AARS1: variants seen among roughly 807,000 people sequenced by gnomAD.
AARS1 encodes the protein alanine--tRNA ligase, cytoplasmic.
In AARS1, 72 loss-of-function variants were observed where a neutral mutation model predicts 108.9. The observed-to-expected ratio is 0.66, with a 90% CI of 0.55 to 0.80. The LOEUF (loss-of-function observed/expected upper bound fraction) is 0.80, where lower values mean the gene tolerates loss of function less well. Ranked by LOEUF, AARS1 falls within the 30% of genes least tolerant of loss-of-function variation. The pLI, the probability that AARS1 is intolerant of heterozygous loss-of-function variation, is 0.00. For synonymous variants in AARS1, 489 were observed against 465.7 expected, an observed-to-expected ratio of 1.05 and a Z score of -0.64; for missense variants, 1,193 against 1,233.2, an observed-to-expected ratio of 0.97 and a Z score of 0.49.
intron 15 of AARS1, among the ~76,000 whole-genome samples, chr16:70,257,614 A>G (rs917732858): frequency 6.6e-6 from 1 of 152,130 alleles, no homozygotes; most frequent in Non-Finnish European, 1.5e-5. Flanking sequence ...ATGGAGCTAC[A>G]TTCCCCAGAT....
chr16:70,288,171 C>A (rs1416159153), intron 1 of AARS1, among the ~76,000 whole-genome samples: 1 of 142,368 alleles, frequency 7.0e-6, no homozygotes, highest in Non-Finnish European at 1.5e-5. Context: ...GGCGCGATCT[C>A]AGCTCACTGC....
chr16:70,274,552 C>T (rs1960491437), intron 4 of AARS1, among the ~76,000 whole-genome samples: 1 of 151,656 alleles, frequency 6.6e-6, no homozygotes, highest in Admixed American at 6.6e-5. Context: ...GATGAAACCC[C>T]ATCTCTACTA....
intron 11 of AARS1, among the ~76,000 whole-genome samples, chr16:70,262,995 A>AAAAAAAC (rs1174659809): frequency 1.8e-4 from 23 of 128,780 alleles, no homozygotes; most frequent in South Asian, 2.2e-4. Flanking sequence ...AAAAAAAAAA[A>AAAAAAAC]AAACAACAAC....
chr16:70,272,932 GTGCT>G (rs1462514081), intron 4 of AARS1, among the ~76,000 whole-genome samples: 64 of 95,630 alleles, frequency 6.7e-4, no homozygotes, highest in South Asian at 1.9e-3. Flanking sequence ...ACAAAAGATT[GTGCT>G]TGCTTATCTT....
rs1452856880 is a variant in AARS1 at position 70,253,344 on chromosome 16, G to T, written c.2645C>A (p.Ser882Tyr). ...GAAGAGCATGGCAGAAGTCTGAGGG[G>T]AGTGCATCTTGAAGAGCTTCAAGGC... ...NEALKLFKMH[S>Y]PQTSAMLFTV... The change falls in exon 20 of 21, where the codon TCC (serine) becomes TAC (tyrosine). Residue 882 changes from serine to tyrosine, a missense_variant. Transcript: ENST00000261772. 1 of 1,614,070 alleles carries T rather than the reference G, an allele frequency of 6.2e-7. No individual in the cohort carries two copies. The highest frequency in any genetic ancestry group is 8.5e-7 in the Non-Finnish European group (1 of 1,180,032).
chr16:70,279,369 AAAAAAAAG>A (rs1960635468), intron 2 of AARS1, among the ~76,000 whole-genome samples: 1 of 145,670 alleles, frequency 6.9e-6, no homozygotes, highest in African/African-American at 2.6e-5. Flanking sequence ...AAAAAAAAAA[AAAAAAAAG>A]GGCCAGGTGC....
At chr16:70,255,148 A>C (rs1218430651) in intron 16 of AARS1, among the ~76,000 whole-genome samples, 1 of 145,592 alleles carries the variant, frequency 6.9e-6, no homozygotes, top group African/African-American at 2.6e-5. Context: ...TCTATGTCTT[A>C]CCCTCCTCCA....
Position 70,259,019 on chromosome 16 carries a change from C to T in AARS1, c.1953G>A (p.Lys651=), listed in dbSNP as rs771099188. 9 of 1,614,088 alleles carry T rather than the reference C, an allele frequency of 5.6e-6. No homozygotes were observed. In the East Asian group the frequency reaches 1.8e-4, roughly 32 times the overall value. The change falls in exon 14 of 21, where the codon AAG becomes AAA. Residue 651 remains lysine (K), a synonymous_variant. Coordinates refer to ENST00000261772, the MANE Select transcript of AARS1 (RefSeq NM_001605.3). ...TCATCTCATTAGCAATCTCTTCAGC[C>T]TTCTTGATCTGTTGGGTGGACATGG... ...KGAMSTQQIK[K]AEEIANEMIE... is the part of the protein sequence containing the mutation.
At chr16:70,276,373 A>G in intron 4 of AARS1, 113 bp downstream of exon 4, 1 of 1,305,108 alleles carries the variant, frequency 7.7e-7, no homozygotes, top group Non-Finnish European at 1.1e-6. Flanking sequence ...TGTGCATCTC[A>G]AAAGGAACCC....
chr16:70,271,935 C>G lies in AARS1; in HGVS notation c.517G>C (p.Asp173His), dbSNP rs1049388559. 1.2e-6 allele frequency: 2 copies of G among 1,613,982 alleles called. No homozygotes were observed. Among genetic ancestry groups the G allele is most frequent in the African/African-American group, 2.7e-5 (2 of 74,890 alleles). ...GTGTCACCCATCTCCCAGAAGTTAT[C>G]CTTCATGTTGCCTGGGAGGATTTTG... Reference protein sequence around the residue: ...DTKILPGNMKDNFWEMGDTGP... With the variant: ...DTKILPGNMKHNFWEMGDTGP... Residue 173 changes from aspartate to histidine, a missense_variant, in exon 5 of 21, where the codon GAT (aspartate) becomes CAT (histidine). Asp to His is a moderately conservative substitution (Grantham distance 81, BLOSUM62 -1). Transcript: ENST00000261772.
Position 70,264,995 on chromosome 16 carries a change from T to G in AARS1, c.1455A>C (p.Pro485=). 1 of 1,614,134 alleles carries G rather than the reference T, an allele frequency of 6.2e-7. No homozygotes were observed. The highest frequency in any genetic ancestry group is 8.5e-7 in the Non-Finnish European group (1 of 1,180,020). ...ARGLEVTDDS[P]KYNYHLDSSG... is the part of the protein sequence containing the mutation. ...TGGAGTCCAAATGGTAATTGTACTT[T>G]GGGGAATCATCTGTGACCTCCAGAC... The change falls in exon 11 of 21, where the codon CCA becomes CCC. Residue 485 remains proline (P), a synonymous_variant. Transcript: ENST00000261772.
In AARS1 at chr16:70,265,579, C is replaced by A. The variant is rs561137479; in HGVS notation, c.1306G>T (p.Val436Leu). The change falls in exon 10 of 21, where the codon GTA becomes TTA. Residue 436 changes from valine (V) to leucine (L), a missense_variant. Transcript: ENST00000261772. ...GLIAEEKGLVVDMDGFEEERK... is the reference protein window; with the variant it reads ...GLIAEEKGLVLDMDGFEEERK... ...TCCTCTTCAAAGCCATCCATGTCTA[C>A]CACCAGGCCCTTCTCTTCAGCAATC... is the stretch of plus-strand genomic sequence containing the variant. 1 of 1,614,112 alleles carries A rather than the reference C, an allele frequency of 6.2e-7. No homozygotes were observed. Among genetic ancestry groups the A allele is most frequent in the Non-Finnish European group, 8.5e-7 (1 of 1,179,984 alleles).
At chr16:70,261,671 ATTTT>A (rs11385686) in intron 12 of AARS1, among the ~76,000 whole-genome samples, 1 of 131,808 alleles carries the variant, frequency 7.6e-6, no homozygotes, top group Non-Finnish European at 1.5e-5. Flanking sequence ...GCATCTTAGA[ATTTT>A]TTTTTTTTTT....
chr16:70,263,376 A>T (rs1960191428), intron 11 of AARS1, among the ~76,000 whole-genome samples: 1 of 152,050 alleles, frequency 6.6e-6, no homozygotes, highest in Non-Finnish European at 1.5e-5. Context: ...GTTTGAGACC[A>T]GCCTGGCCAA....
intron 16 of AARS1, 78 bp downstream of exon 16, chr16:70,255,650 G>A: frequency 7.9e-7 from 1 of 1,272,964 alleles, no homozygotes; most frequent in Non-Finnish European, 1.1e-6. Context: ...ACGCAGAGCA[G>A]TGTTTGCTCT....
At chr16:70,282,089 T>G (rs1960710110) in intron 2 of AARS1, among the ~76,000 whole-genome samples, 1 of 149,508 alleles carries the variant, frequency 6.7e-6, no homozygotes, top group Non-Finnish European at 1.5e-5. Flanking sequence ...GGGGCGGAGC[T>G]TGCAGTGAGC....
chr16:70,258,320 C>T, intron 14 of AARS1, 103 bp from the exon 15 acceptor site: 1 of 1,327,648 alleles, frequency 7.5e-7, no homozygotes, highest in Non-Finnish European at 1.1e-6. Context: ...GGGTTCCAAC[C>T]TGGCTTGGCC....
chr16:70,278,646 T>C (rs2152167958), intron 2 of AARS1, among the ~76,000 whole-genome samples: 1 of 152,094 alleles, frequency 6.6e-6, no homozygotes, highest in East Asian at 1.9e-4. Flanking sequence ...ATCACACGAC[T>C]GACGGCTGCC....
intron 9 of AARS1, 21 bp from the exon 10 acceptor site, chr16:70,265,683 G>A: frequency 6.2e-7 from 1 of 1,611,358 alleles, no homozygotes; most frequent in Non-Finnish European, 8.5e-7. Flanking sequence ...CAAAGGAGGT[G>A]TGTCAAAAAA....
Sources: allele counts gnomAD v4.1 joint callset (sites outside exome capture counted in the v4.1 genomes callset), GRCh38; gene constraint gnomAD v4.1.1; transcripts MANE v1.5; gene names NCBI Gene and HGNC (gene_info 2026-07-23, HGNC 2026-07-21).